Variants in ACSM2B observed in about 807,000 individuals in gnomAD.
ACSM2B encodes the protein acyl-CoA synthetase medium chain family member 2B, also known as acyl-coenzyme A synthetase ACSM2B, mitochondrial.
Under a neutral mutation model 78.6 loss-of-function variants are expected in ACSM2B, and 58 were observed. The ratio of observed to expected loss-of-function variants is 0.74; its 90% CI spans 0.60 to 0.92. The LOEUF (loss-of-function observed/expected upper bound fraction) is 0.92. ACSM2B is among the 40% of genes least tolerant of loss of function. The pLI is 0.00. For missense variants in ACSM2B, 688 were observed against 711.2 expected, an observed-to-expected ratio of 0.97 and a Z score of 0.37; for synonymous variants, 257 against 256.8, an observed-to-expected ratio of 1.00 and a Z score of -0.01.
Position 20,565,989 on chromosome 16 carries a change from C to A in ACSM2B, c.-8-1136G>T, listed in dbSNP as rs555700784. Among the ~76,000 whole-genome samples the A allele has an allele frequency of 1.2e-3, 178 of 151,062 alleles. 1 individual carries two copies. The highest frequency in any genetic ancestry group is 2.1e-3 in the Non-Finnish European group (145 of 67,808). On this transcript the variant is annotated intron_variant, in intron 1 of 13. Coordinates refer to ENST00000329697, the MANE Select transcript of ACSM2B (RefSeq NM_001105069.2). ...AATCCCATCCAGGTTGCTGCGAATG[C>A]CATTAAGTCATTGCTTTTTATGGCT...
Position 20,566,276 on chromosome 16 carries a change from T to G in ACSM2B, c.-8-1423A>C, listed in dbSNP as rs1262818780. Among the ~76,000 whole-genome samples, 109 of 120,180 alleles carry G rather than the reference T, an allele frequency of 9.1e-4. 1 individual carries two copies. Among genetic ancestry groups the G allele is most frequent in the African/African-American group, 2.9e-3 (101 of 34,730 alleles). The allele number at this position is 120,180 out of a possible 152,430, so 78.8% of individuals were successfully genotyped here. On this transcript the variant is annotated intron_variant, in intron 1 of 13. Transcript: ENST00000329697. ...ATATATATATATATATATATATATA[T>G]ATATATATAGACAGATATATAGATA...
Position 20,545,277 on chromosome 16 carries a change from TG to T in ACSM2B, c.1180-20del. 4 of 1,610,620 alleles carry T rather than the reference TG, an allele frequency of 2.5e-6. No individual in the cohort carries two copies. Among genetic ancestry groups the T allele is most frequent in the Non-Finnish European group, 3.4e-6 (4 of 1,177,690 alleles). On this transcript the variant is annotated intron_variant, in intron 9 of 13. Coordinates refer to ENST00000329697, the MANE Select transcript of ACSM2B (RefSeq NM_001105069.2). ...CTATAACCTGGAGAAAGAAGCATATTGGAAGAATGACGCACACAGCAGGAGA... is the reference window on the plus strand; with the variant it reads ...CTATAACCTGGAGAAAGAAGCATATTGAAGAATGACGCACACAGCAGGAGA...
At chr16:20,567,508 T>TATAAAATATAA (rs1309411185) in intron 1 of ACSM2B, among the ~76,000 whole-genome samples, 1 of 126,414 alleles carries the variant, frequency 7.9e-6, no homozygotes, top group African/African-American at 3.0e-5. Context: ...ATAAAATATA[T>TATAAAATATAA]AAATAATATA....
intron 2 of ACSM2B, among the ~76,000 whole-genome samples, chr16:20,563,871 C>T (rs1050265912): frequency 1.3e-5 from 2 of 151,982 alleles, no homozygotes; most frequent in Non-Finnish European, 2.9e-5. Context: ...CAGAAAGAGT[C>T]ATAGGACTTC....
At position 20,552,268 on chromosome 16, in the gene ACSM2B, A is replaced by C; in HGVS notation, c.770T>G (p.Met257Arg). 6.2e-7 allele frequency: 1 copy of C among 1,613,452 alleles called. No homozygotes were observed. The highest frequency in any genetic ancestry group is 8.5e-7 in the Non-Finnish European group (1 of 1,179,684). Residue 257 changes from methionine to arginine, a missense_variant, in exon 6 of 14, where the codon ATG (methionine) becomes AGG (arginine). Coordinates refer to ENST00000329697, the MANE Select transcript of ACSM2B (RefSeq NM_001105069.2). ...CCAACCTGTGTCTGATATGGTCCACATTATATCAGAGGCTTGCAGGCCTGT... is the reference window on the plus strand; with the variant it reads ...CCAACCTGTGTCTGATATGGTCCACCTTATATCAGAGGCTTGCAGGCCTGT... ...GWTGLQASDI[M>R]WTISDTGWIL...
intron 2 of ACSM2B, among the ~76,000 whole-genome samples, chr16:20,563,343 C>A (rs1256573080): frequency 6.6e-6 from 1 of 151,978 alleles, no homozygotes; most frequent in Non-Finnish European, 1.5e-5. Context: ...TGAATTGCAC[C>A]TTTTTATTCT....
At chr16:20,546,988 T>C in intron 8 of ACSM2B, 1 of 435,474 alleles carries the variant, frequency 2.3e-6, no homozygotes, top group Non-Finnish European at 3.2e-6. Flanking sequence ...GTATCTCCCA[T>C]GGCAGCACCA....
At chr16:20,557,571 G>T (rs530372303) in intron 3 of ACSM2B, among the ~76,000 whole-genome samples, 1 of 152,090 alleles carries the variant, frequency 6.6e-6, no homozygotes, top group Non-Finnish European at 1.5e-5. Flanking sequence ...AACAGAGGAT[G>T]ATCATGTAAC....
chr16:20,540,233 TTTTG>T (rs1359747712), intron 13 of ACSM2B, among the ~76,000 whole-genome samples: 29 of 147,584 alleles, frequency 2.0e-4, no homozygotes, highest in African/African-American at 6.5e-4. Context: ...TGTTTTTTTT[TTTTG>T]TTTGTTTGTT....
chr16:20,566,395 G>A (rs11863784), intron 1 of ACSM2B, among the ~76,000 whole-genome samples: 47,671 of 128,392 alleles, frequency 0.37, 11,132 homozygotes, highest in East Asian at 0.86. Context: ...TACATTATAT[G>A]TGGATATATT....
At chr16:20,561,637 C>A (rs933415228) in intron 2 of ACSM2B, among the ~76,000 whole-genome samples, 10 of 151,952 alleles carry the variant, frequency 6.6e-5, no homozygotes, top group African/African-American at 2.4e-4. Context: ...TTTGCTCCTG[C>A]CCTTCCAATT....
chr16:20,551,991 C>T (rs2015324192), intron 6 of ACSM2B, among the ~76,000 whole-genome samples, 153 bp downstream of exon 6: 1 of 152,162 alleles, frequency 6.6e-6, no homozygotes, highest in Admixed American at 6.5e-5. Flanking sequence ...TCTGCGAGGT[C>T]AGGGACCATT....
In ACSM2B at chr16:20,560,783, G is replaced by A. The variant is rs367929589; in HGVS notation, c.178-1336C>T. On this transcript the variant is annotated intron_variant, in intron 2 of 13. Transcript: ENST00000329697. ...AGAAAGATGAGGAAAAGTTTGGAAC[G>A]TCTTAGGCACTGGTTAAATAGTTGT... Among the ~76,000 whole-genome samples the A allele has an allele frequency of 1.2e-3, 182 of 152,192 alleles. 9 individuals are homozygous for A. In the South Asian group the frequency reaches 0.036, roughly 30 times the overall value.
Position 20,566,659 on chromosome 16 carries a change from T to C in ACSM2B, c.-8-1806A>G, listed in dbSNP as rs11306885. On this transcript the variant is annotated intron_variant, in intron 1 of 13. Coordinates refer to ENST00000329697, the MANE Select transcript of ACSM2B (RefSeq NM_001105069.2). Reference sequence around the variant, plus strand: ...GTATATATATACTATACTATATATATGTATATATAGTATATACATATAGTA... The same window carrying C: ...GTATATATATACTATACTATATATACGTATATATAGTATATACATATAGTA... Among the ~76,000 whole-genome samples, 2 of 4,862 alleles carry C rather than the reference T, an allele frequency of 4.1e-4. 1 individual carries two copies. Among genetic ancestry groups the C allele is most frequent in the African/African-American group, 1.2e-3 (2 of 1,634 alleles). The allele number at this position is 4,862 out of a possible 152,430, so 3.2% of individuals were successfully genotyped here.
chr16:20,550,139 T>C (rs1485086291), intron 6 of ACSM2B, among the ~76,000 whole-genome samples: 1 of 152,170 alleles, frequency 6.6e-6, no homozygotes, highest in Non-Finnish European at 1.5e-5. Flanking sequence ...GAGGAGGAAG[T>C]CCATTCAGAT....
At chr16:20,567,654 T>C (rs954786650) in intron 1 of ACSM2B, among the ~76,000 whole-genome samples, 1 of 137,530 alleles carries the variant, frequency 7.3e-6, no homozygotes, top group Admixed American at 8.1e-5. Context: ...ACTATGCTAT[T>C]ATATATATAC....
chr16:20,538,933 C>T (rs1469268912), intron 13 of ACSM2B, among the ~76,000 whole-genome samples: 19 of 152,200 alleles, frequency 1.2e-4, no homozygotes, highest in Admixed American at 1.1e-3. Context: ...AGAAGTCCCA[C>T]TCCACCACCA....
chr16:20,544,000 G>T (rs550916751), intron 10 of ACSM2B, among the ~76,000 whole-genome samples: 6 of 152,302 alleles, frequency 3.9e-5, no homozygotes, highest in East Asian at 3.9e-4. Flanking sequence ...AGAAGCCAGG[G>T]TTCTTGGCTA....
chr16:20,555,984 G>C (rs1034692341), intron 3 of ACSM2B, among the ~76,000 whole-genome samples: 1 of 152,080 alleles, frequency 6.6e-6, no homozygotes, highest in African/African-American at 2.4e-5. Flanking sequence ...ACAAAGTATA[G>C]TTGTATATAT....
Sources: allele counts gnomAD v4.1 joint callset (sites outside exome capture counted in the v4.1 genomes callset), GRCh38; gene constraint gnomAD v4.1.1; transcripts MANE v1.5; gene names NCBI Gene and HGNC (gene_info 2026-07-23, HGNC 2026-07-21).